Variants in CA10 observed in about 807,000 individuals in gnomAD.
The protein encoded by CA10 is carbonic anhydrase 10 (inactive).
Under a neutral mutation model 44.2 loss-of-function variants are expected in CA10, and 14 were observed. That is an observed-to-expected ratio of 0.32 (90% CI 0.21 to 0.50). The LOEUF (loss-of-function observed/expected upper bound fraction) is 0.50. Among genes scored for constraint, CA10 ranks in the 20% least tolerant of loss-of-function variants. The pLI, the probability that CA10 is intolerant of heterozygous loss-of-function variation, is 0.99. For synonymous variants in CA10, 159 were observed against 141.6 expected, an observed-to-expected ratio of 1.12 and a Z score of -0.87; for missense variants, 350 against 409.7, an observed-to-expected ratio of 0.85 and a Z score of 1.26.
intron 6 of CA10, among the ~76,000 whole-genome samples, chr17:51,639,609 A>G (rs1912999799): frequency 1.3e-5 from 2 of 152,188 alleles, no homozygotes; most frequent in Non-Finnish European, 2.9e-5. Flanking sequence ...TGCAACAGTC[A>G]TCAGAGGACA....
chr17:51,639,563 C>A (rs1043106419), intron 6 of CA10, among the ~76,000 whole-genome samples: 3 of 152,162 alleles, frequency 2.0e-5, no homozygotes, highest in African/African-American at 7.2e-5. Flanking sequence ...TGAGGTCCTG[C>A]CAGGAGATCC....
At chr17:51,807,335 A>T (rs1308086867) in intron 3 of CA10, among the ~76,000 whole-genome samples, 2 of 152,214 alleles carry the variant, frequency 1.3e-5, no homozygotes, top group Non-Finnish European at 2.9e-5. Flanking sequence ...TTACACAGGT[A>T]TTTAGTCAGA....
At chr17:52,031,519 G>T (rs1986466798) in intron 2 of CA10, among the ~76,000 whole-genome samples, 1 of 152,056 alleles carries the variant, frequency 6.6e-6, no homozygotes, top group Non-Finnish European at 1.5e-5. Context: ...TGTGAATTTT[G>T]ACACTTTTAA....
At chr17:51,791,389 T>C (rs1906513428) in intron 3 of CA10, among the ~76,000 whole-genome samples, 1 of 152,234 alleles carries the variant, frequency 6.6e-6, no homozygotes, top group South Asian at 2.1e-4. Flanking sequence ...TAATATTCCA[T>C]CTGTATATTC....
chr17:52,148,815 A>G (rs1005769655), intron 1 of CA10, among the ~76,000 whole-genome samples: 1 of 152,202 alleles, frequency 6.6e-6, no homozygotes, highest in Non-Finnish European at 1.5e-5. Context: ...GGCAAAGACC[A>G]TTGCTGTTTT....
intron 4 of CA10, among the ~76,000 whole-genome samples, chr17:51,688,532 G>A (rs1225903440): frequency 2.6e-5 from 4 of 152,126 alleles, no homozygotes; most frequent in African/African-American, 9.7e-5. Flanking sequence ...CTACTTCTTA[G>A]GTTGCTGTGA....
At chr17:52,109,829 A>G (rs1988752205) in intron 1 of CA10, among the ~76,000 whole-genome samples, 1 of 152,188 alleles carries the variant, frequency 6.6e-6, no homozygotes, top group African/African-American at 2.4e-5. Context: ...CAGGCAGTCA[A>G]TTTCAGAGAA....
At chr17:52,038,712 T>C (rs966552193) in intron 2 of CA10, among the ~76,000 whole-genome samples, 1 of 152,164 alleles carries the variant, frequency 6.6e-6, no homozygotes, top group African/African-American at 2.4e-5. Context: ...TTTGCAAAAC[T>C]GGAACAACTC....
At chr17:51,689,097 C>A (rs1915102802) in intron 4 of CA10, among the ~76,000 whole-genome samples, 1 of 152,202 alleles carries the variant, frequency 6.6e-6, no homozygotes, top group African/African-American at 2.4e-5. Context: ...CATATCATCC[C>A]TCAGAGAAAG....
intron 4 of CA10, among the ~76,000 whole-genome samples, chr17:51,684,668 T>C (rs1164083717): frequency 6.6e-6 from 1 of 152,214 alleles, no homozygotes; most frequent in Non-Finnish European, 1.5e-5. Flanking sequence ...TTCTCTTTAG[T>C]ATTAATTTGC....
chr17:52,122,224 C>T (rs1361719358), intron 1 of CA10, among the ~76,000 whole-genome samples: 1 of 152,116 alleles, frequency 6.6e-6, no homozygotes, highest in African/African-American at 2.4e-5. Flanking sequence ...TTAAAAAGCT[C>T]AGTGACTGAG....
intron 3 of CA10, among the ~76,000 whole-genome samples, chr17:51,887,028 C>T (rs945445639): frequency 6.6e-6 from 1 of 152,182 alleles, no homozygotes; most frequent in African/African-American, 2.4e-5. Flanking sequence ...TTTCCAGGTT[C>T]TCCAGCTTGC....
intron 4 of CA10, among the ~76,000 whole-genome samples, chr17:51,708,358 A>G (rs1915824605): frequency 6.6e-6 from 1 of 152,188 alleles, no homozygotes; most frequent in South Asian, 2.1e-4. Context: ...AGAATTTTCA[A>G]TATCAATATG....
intron 4 of CA10, among the ~76,000 whole-genome samples, chr17:51,715,755 A>G (rs1342216670): frequency 1.3e-5 from 2 of 152,064 alleles, no homozygotes; most frequent in Non-Finnish European, 2.9e-5. Flanking sequence ...CACTGGCTCA[A>G]TCTCAGCTCA....
intron 3 of CA10, among the ~76,000 whole-genome samples, chr17:51,755,677 T>A (rs1905053950): frequency 6.6e-6 from 1 of 152,150 alleles, no homozygotes; most frequent in South Asian, 2.1e-4. Flanking sequence ...ACCCAGTTAG[T>A]TAGGAAAGGA....
At chr17:51,903,783 C>T (rs183785603) in intron 3 of CA10, among the ~76,000 whole-genome samples, 9 of 152,106 alleles carry the variant, frequency 5.9e-5, no homozygotes, top group African/African-American at 2.2e-4. Context: ...GAAGAGAGCT[C>T]CAAAATATTC....
intron 3 of CA10, among the ~76,000 whole-genome samples, chr17:51,759,466 T>C: frequency 7.0e-6 from 1 of 143,402 alleles, no homozygotes; most frequent in Non-Finnish European, 1.5e-5. Flanking sequence ...TAATATTTTA[T>C]TATATATAAT....
At chr17:51,871,582 G>A (rs570497568) in intron 3 of CA10, among the ~76,000 whole-genome samples, 10 of 147,592 alleles carry the variant, frequency 6.8e-5, no homozygotes, top group East Asian at 4.1e-4. Context: ...ATGGGGTTAC[G>A]CCATGTTGGT....
chr17:51,974,883 G>T (rs1169987454), intron 2 of CA10, among the ~76,000 whole-genome samples: 3 of 152,042 alleles, frequency 2.0e-5, no homozygotes, highest in Non-Finnish European at 4.4e-5. Flanking sequence ...GTAAAATAAA[G>T]ACATTTCAGT....
Sources: allele counts gnomAD v4.1 joint callset (sites outside exome capture counted in the v4.1 genomes callset), GRCh38; gene constraint gnomAD v4.1.1; transcripts MANE v1.5; gene names NCBI Gene and HGNC (gene_info 2026-07-23, HGNC 2026-07-21).